CTNND2: variants seen among roughly 807,000 people sequenced by gnomAD.
CTNND2 encodes the protein catenin delta-2.
In CTNND2, 22 loss-of-function variants were observed where a neutral mutation model predicts 144.4. That is an observed-to-expected ratio of 0.15 (90% CI 0.11 to 0.22). CTNND2 has a LOEUF of 0.22. Among genes scored for constraint, CTNND2 ranks in the 10% least tolerant of loss-of-function variants. CTNND2 has a pLI of 1.00. For missense variants in CTNND2, 1,353 were observed against 1,618.8 expected (o/e 0.84, Z 2.82); for synonymous variants, 751 against 695.6 (o/e 1.08, Z -1.25).
At chr5:11,297,124 C>T (rs1039188647) in intron 9 of CTNND2, among the ~76,000 whole-genome samples, 1 of 152,144 alleles carries the variant, frequency 6.6e-6, no homozygotes, top group Non-Finnish European at 1.5e-5. Context: ...CCAGTATGTG[C>T]CAACATCACA....
chr5:11,130,577 C>A (rs1755489559), intron 12 of CTNND2, among the ~76,000 whole-genome samples: 1 of 152,114 alleles, frequency 6.6e-6, no homozygotes, highest in Admixed American at 6.6e-5. Flanking sequence ...ACAAGGAAAT[C>A]AGAGGGAAGA....
chr5:11,584,432 G>T lies in CTNND2; in HGVS notation c.175-19376C>A, dbSNP rs1440151086. On this transcript the variant is annotated intron_variant, in intron 2 of 21. Transcript: ENST00000304623. ...ATATATATATATTTTTTTTGGGGGG[G>T]GGGAGGAGGAAGCTAGTACTGTTTA... Among the ~76,000 whole-genome samples the T allele has an allele frequency of 3.4e-5, 5 of 145,910 alleles. No individual in the cohort carries two copies. The South Asian group carries it at 9.1e-4, about 27-fold the overall frequency.
chr5:11,622,530 T>C (rs1780899418), intron 2 of CTNND2, among the ~76,000 whole-genome samples: 1 of 152,220 alleles, frequency 6.6e-6, no homozygotes, highest in Non-Finnish European at 1.5e-5. Flanking sequence ...GAGTTTTTGA[T>C]GATTTGGTCG....
chr5:11,187,894 A>G (rs32276), intron 11 of CTNND2, among the ~76,000 whole-genome samples: 4,925 of 152,254 alleles, frequency 0.032, 248 homozygotes, highest in African/African-American at 0.11. Flanking sequence ...CATCAAAACC[A>G]CAATGAGACA....
At chr5:11,206,068 G>A (rs1738010533) in intron 10 of CTNND2, among the ~76,000 whole-genome samples, 1 of 152,162 alleles carries the variant, frequency 6.6e-6, no homozygotes, top group Non-Finnish European at 1.5e-5. Context: ...ACCATCCACT[G>A]TATCAACTTT....
At chr5:11,064,872 C>A (rs1456452233) in intron 16 of CTNND2, among the ~76,000 whole-genome samples, 1 of 152,210 alleles carries the variant, frequency 6.6e-6, no homozygotes, top group Non-Finnish European at 1.5e-5. Context: ...ATTAGACTAA[C>A]TGGGATTTTA....
In CTNND2 at chr5:11,173,417, C is replaced by T. The variant is rs145273624; in HGVS notation, c.1976-13658G>A. ...CTCTAGATCAGTATACTAACCCTGT[C>T]GACTCCTCGGAAGAGTCCCTGCATT... On this transcript the variant is annotated intron_variant, in intron 11 of 21. Transcript: ENST00000304623. 1.7e-4 allele frequency among the ~76,000 whole-genome samples: 26 copies of T among 152,328 alleles called. No homozygotes were observed. In the East Asian group the frequency reaches 4.4e-3, roughly 26 times the overall value.
chr5:11,530,703 A>G (rs1346331022), intron 3 of CTNND2, among the ~76,000 whole-genome samples: 2 of 152,178 alleles, frequency 1.3e-5, no homozygotes, highest in Non-Finnish European at 2.9e-5. Flanking sequence ...AGCCTTAACA[A>G]TATTTCTGAT....
intron 16 of CTNND2, among the ~76,000 whole-genome samples, chr5:11,081,492 C>T (rs1012204522): frequency 9.9e-5 from 15 of 152,168 alleles, no homozygotes; most frequent in Admixed American, 3.9e-4. Flanking sequence ...TGGCAGAATA[C>T]ATACCAGTTA....
chr5:11,098,471 G>C, intron 15 of CTNND2, 104 bp downstream of exon 15: 1 of 1,033,072 alleles, frequency 9.7e-7, no homozygotes, highest in East Asian at 2.5e-5. Flanking sequence ...TAACATCCTA[G>C]AAATCTTTAT....
chr5:11,582,064 C>T (rs1047568158), intron 2 of CTNND2, among the ~76,000 whole-genome samples: 1 of 152,124 alleles, frequency 6.6e-6, no homozygotes, highest in Non-Finnish European at 1.5e-5. Context: ...GGATGAGACA[C>T]CCACACAGAA....
At chr5:11,427,904 G>A (rs771511083) in intron 3 of CTNND2, among the ~76,000 whole-genome samples, 1 of 152,164 alleles carries the variant, frequency 6.6e-6, no homozygotes, top group African/African-American at 2.4e-5. Flanking sequence ...GGAAAAAGAG[G>A]TTTAATTGGA....
intron 18 of CTNND2, among the ~76,000 whole-genome samples, chr5:10,992,989 G>C (rs1455653847): frequency 1.3e-5 from 2 of 152,132 alleles, no homozygotes; most frequent in Non-Finnish European, 2.9e-5. Flanking sequence ...AATGTTAGGG[G>C]ACCCGGAAAC....
At chr5:11,506,067 C>T (rs929266512) in intron 3 of CTNND2, among the ~76,000 whole-genome samples, 2 of 152,094 alleles carry the variant, frequency 1.3e-5, no homozygotes, top group Non-Finnish European at 2.9e-5. Context: ...TGTCACAGCT[C>T]GGGACACTGC....
intron 1 of CTNND2, among the ~76,000 whole-genome samples, chr5:11,795,758 A>G (rs921254959): frequency 6.6e-6 from 1 of 152,234 alleles, no homozygotes; most frequent in Non-Finnish European, 1.5e-5. Context: ...TAGCCATTCA[A>G]TATGGAGATG....
At chr5:11,389,961 G>C (rs377456324) in intron 6 of CTNND2, among the ~76,000 whole-genome samples, 9 of 152,110 alleles carry the variant, frequency 5.9e-5, no homozygotes, top group African/African-American at 1.4e-4. Flanking sequence ...TCTTTAGACT[G>C]GGGGGGAGTC....
chr5:11,508,894 G>C (rs191248674), intron 3 of CTNND2, among the ~76,000 whole-genome samples: 10 of 151,270 alleles, frequency 6.6e-5, no homozygotes, highest in East Asian at 3.9e-4. Flanking sequence ...CTGGGCAATA[G>C]AGTGAGACTC....
At chr5:11,778,187 G>A (rs1421467897) in intron 1 of CTNND2, among the ~76,000 whole-genome samples, 1 of 152,094 alleles carries the variant, frequency 6.6e-6, no homozygotes. Flanking sequence ...AGCTGGAAGT[G>A]CAGTCACCAG....
At chr5:11,627,256 CT>C (rs1781205968) in intron 2 of CTNND2, among the ~76,000 whole-genome samples, 1 of 152,188 alleles carries the variant, frequency 6.6e-6, no homozygotes, top group Admixed American at 6.5e-5. Flanking sequence ...CTCATCACTT[CT>C]GATAATTCTT....
Sources: gnomAD v4.1 joint callset for allele counts (sites outside exome capture counted in the v4.1 genomes callset) on GRCh38, gnomAD v4.1.1 for gene constraint, MANE v1.5 for transcripts, NCBI Gene and HGNC (gene_info 2026-07-23, HGNC 2026-07-21) for gene names.